SUGCT: variants seen among roughly 807,000 people sequenced by gnomAD.
The protein encoded by SUGCT is succinyl-CoA:glutarate-CoA transferase.
SUGCT carries 41 observed loss-of-function variants against 55.0 expected under a neutral mutation model. The ratio of observed to expected loss-of-function variants is 0.74; its 90% CI spans 0.58 to 0.97. The LOEUF (loss-of-function observed/expected upper bound fraction) is 0.97. Among genes scored for constraint, SUGCT ranks in the 50% least tolerant of loss-of-function variants. SUGCT has a pLI of 0.00. For missense variants in SUGCT, 568 were observed against 547.8 expected (o/e 1.04, Z -0.37); for synonymous variants, 187 against 200.4 (o/e 0.93, Z 0.56).
At chr7:40,652,547 T>TAG (rs1387203074) in intron 12 of SUGCT, among the ~76,000 whole-genome samples, 2 of 152,228 alleles carry the variant, frequency 1.3e-5, no homozygotes, top group Admixed American at 6.5e-5. Flanking sequence ...TAGAATGGTA[T>TAG]AGAGACAGAT....
At position 40,303,135 on chromosome 7, in the gene SUGCT, G is replaced by A. The variant is rs184906967; in HGVS notation, c.721-13625G>A. ...TGCAACCTCCGCCTCCCGAGTTCAA[G>A]TGATTCTCCTGTCTCAGCCTCCCGA... On this transcript the variant is annotated intron_variant, in intron 8 of 13. Coordinates refer to ENST00000335693, the MANE Select transcript of SUGCT (RefSeq NM_001193313.2). 4.0e-3 allele frequency among the ~76,000 whole-genome samples: 606 copies of A among 152,074 alleles called. 4 individuals are homozygous for A. Among genetic ancestry groups the A allele is most frequent in the African/African-American group, 0.014 (579 of 41,500 alleles).
chr7:40,674,581 C>T (rs891883890), intron 12 of SUGCT, among the ~76,000 whole-genome samples: 8 of 152,018 alleles, frequency 5.3e-5, no homozygotes, highest in Admixed American at 1.3e-4. Context: ...ATTGTGGCCC[C>T]GGCATGTGTG....
intron 9 of SUGCT, among the ~76,000 whole-genome samples, chr7:40,349,333 G>A (rs1204803242): frequency 6.6e-6 from 1 of 152,100 alleles, no homozygotes; most frequent in East Asian, 1.9e-4. Context: ...CATTGCTTCA[G>A]TGACTAACTT....
At chr7:40,556,195 A>T (rs976757253) in intron 12 of SUGCT, among the ~76,000 whole-genome samples, 3 of 152,148 alleles carry the variant, frequency 2.0e-5, no homozygotes, top group African/African-American at 7.2e-5. Flanking sequence ...GTTCCTAACA[A>T]CTTGAACTTG....
At chr7:40,419,276 G>A (rs1787175550) in intron 9 of SUGCT, among the ~76,000 whole-genome samples, 1 of 152,110 alleles carries the variant, frequency 6.6e-6, no homozygotes, top group South Asian at 2.1e-4. Context: ...AGTGCAATGA[G>A]AGATCTGATA....
At chr7:40,898,347 C>T in the SUGCT span, among the ~76,000 whole-genome samples, 7 of 152,244 alleles carry the variant, frequency 4.6e-5, no homozygotes, top group East Asian at 5.8e-4. Flanking sequence ...CGAAGGTCTG[C>T]GGCTTCGCTC....
intron 9 of SUGCT, among the ~76,000 whole-genome samples, chr7:40,423,418 C>A (rs1259691922): frequency 6.6e-6 from 1 of 151,958 alleles, no homozygotes. Flanking sequence ...AATAAATTCC[C>A]AGAATATATT....
the SUGCT span, among the ~76,000 whole-genome samples, chr7:40,996,941 C>CA: frequency 6.6e-6 from 1 of 152,178 alleles, no homozygotes; most frequent in Non-Finnish European, 1.5e-5. Flanking sequence ...TCCCAACTGT[C>CA]AATGGGATGA....
In SUGCT at chr7:40,719,584, A is replaced by G. The variant is rs191725752; in HGVS notation, c.1090-29850A>G. ...ACCAGGAAAAAGATTTTCAGAACTG[A>G]AAACCAGGCAAAAGCCCACAACAGA... On this transcript the variant is annotated intron_variant, in intron 12 of 13. Transcript: ENST00000335693. 2.6e-5 allele frequency among the ~76,000 whole-genome samples: 4 copies of G among 152,338 alleles called. No homozygotes were observed. The East Asian group carries it at 7.7e-4, about 29-fold the overall frequency.
chr7:40,466,296 A>C (rs1030692320), intron 11 of SUGCT, among the ~76,000 whole-genome samples: 1 of 152,208 alleles, frequency 6.6e-6, no homozygotes, highest in African/African-American at 2.4e-5. Context: ...CACAGAACCC[A>C]GTGCTACTAC....
chr7:40,931,182 T>C, the SUGCT span, among the ~76,000 whole-genome samples: 1 of 152,236 alleles, frequency 6.6e-6, no homozygotes, highest in Non-Finnish European at 1.5e-5. Context: ...AAGATAATCA[T>C]GTGGTTATTA....
intron 13 of SUGCT, among the ~76,000 whole-genome samples, chr7:40,777,534 A>G (rs372502132): frequency 9.2e-5 from 14 of 152,112 alleles, no homozygotes; most frequent in African/African-American, 3.1e-4. Context: ...GTGATACTTC[A>G]TAATGATTTT....
At chr7:40,522,661 AT>A (rs1447883820) in intron 12 of SUGCT, among the ~76,000 whole-genome samples, 1 of 152,092 alleles carries the variant, frequency 6.6e-6, no homozygotes, top group Non-Finnish European at 1.5e-5. Context: ...TCTCATAAAT[AT>A]TTTAGATTTT....
intron 7 of SUGCT, among the ~76,000 whole-genome samples, chr7:40,254,019 G>A (rs1212442356): frequency 1.3e-5 from 2 of 152,170 alleles, no homozygotes; most frequent in East Asian, 3.8e-4. Context: ...TAACACTACG[G>A]ATGTTTGTTA....
chr7:40,556,541 T>C (rs976683540), intron 12 of SUGCT, among the ~76,000 whole-genome samples: 8 of 152,182 alleles, frequency 5.3e-5, no homozygotes, highest in African/African-American at 1.9e-4. Flanking sequence ...TAGCAGGTGT[T>C]GTGTGAATAT....
chr7:40,610,885 A>T (rs1798738086), intron 12 of SUGCT, among the ~76,000 whole-genome samples: 1 of 152,180 alleles, frequency 6.6e-6, no homozygotes, highest in African/African-American at 2.4e-5. Flanking sequence ...TCAGTTTAAG[A>T]TTAATTATGG....
At chr7:40,667,210 A>G (rs1305644498) in intron 12 of SUGCT, among the ~76,000 whole-genome samples, 1 of 151,662 alleles carries the variant, frequency 6.6e-6, no homozygotes, top group Non-Finnish European at 1.5e-5. Flanking sequence ...AGTTGATTGT[A>G]TGGTTTTTGT....
intron 9 of SUGCT, among the ~76,000 whole-genome samples, chr7:40,368,096 G>T (rs923582978): frequency 6.6e-6 from 1 of 152,156 alleles, no homozygotes; most frequent in African/African-American, 2.4e-5. Flanking sequence ...TGTCTCTATT[G>T]TCATCTCCGA....
chr7:40,404,463 A>G (rs796412592), intron 9 of SUGCT, among the ~76,000 whole-genome samples: 5 of 149,210 alleles, frequency 3.4e-5, no homozygotes, highest in African/African-American at 1.2e-4. Flanking sequence ...TTTGAGGTGG[A>G]GTCTCACTCT....
Sources: gnomAD v4.1 joint callset for allele counts (sites outside exome capture counted in the v4.1 genomes callset) on GRCh38, gnomAD v4.1.1 for gene constraint, MANE v1.5 for transcripts, NCBI Gene and HGNC (gene_info 2026-07-23, HGNC 2026-07-21) for gene names.